EDDM13: variants seen among roughly 807,000 people sequenced by gnomAD.
The protein encoded by EDDM13 is epididymal protein 13.
EDDM13 carries 24 observed loss-of-function variants against 17.8 expected under a neutral mutation model. The observed-to-expected ratio is 1.35, with a 90% CI of 0.98 to 1.90. EDDM13 has a LOEUF of 1.90. Ranked by LOEUF, EDDM13 falls within the 40% of genes most tolerant of loss-of-function variation. The pLI is 0.00. For synonymous variants in EDDM13, 31 were observed against 37.5 expected, an observed-to-expected ratio of 0.83 and a Z score of 0.63; for missense variants, 97 against 100.8, an observed-to-expected ratio of 0.96 and a Z score of 0.16.
chr19:56,301,898 G>C, intron 12 of EDDM13, 70 bp from the exon 13 acceptor site: 1 of 1,231,340 alleles, frequency 8.1e-7, no homozygotes, highest in South Asian at 4.2e-5. Flanking sequence ...TGGAGAGACA[G>C]CAGTGACAGG....
chr19:56,281,338 T>C lies in EDDM13; in HGVS notation c.104-355T>C, dbSNP rs565328439. ...AACCATGTAGTTCAAACCTGTATTG[T>C]TCAAGGGTCAACGGTGTGTGTATGT... On this transcript the variant is annotated intron_variant, in intron 2 of 14. Transcript: ENST00000649256. 1.1e-4 allele frequency among the ~76,000 whole-genome samples: 14 copies of C among 127,308 alleles called. No individual in the cohort carries two copies. In the East Asian group the frequency reaches 2.9e-3, roughly 26 times the overall value. The allele number at this position is 127,308 out of a possible 152,430, so 83.5% of individuals were successfully genotyped here.
At chr19:56,273,675 G>A (rs1473079969) in intron 1 of EDDM13, among the ~76,000 whole-genome samples, 2 of 152,098 alleles carry the variant, frequency 1.3e-5, no homozygotes, top group Non-Finnish European at 2.9e-5. Context: ...GAGAGAGGCC[G>A]GTGTGTCAGG....
intron 2 of EDDM13, among the ~76,000 whole-genome samples, chr19:56,279,608 C>G (rs1030167326): frequency 2.6e-5 from 4 of 152,214 alleles, no homozygotes; most frequent in African/African-American, 9.7e-5. Context: ...AATCCTCACA[C>G]TGGACCATCA....
chr19:56,281,556 C>A, intron 2 of EDDM13, 137 bp from the exon 3 acceptor site: 2 of 294,796 alleles, frequency 6.8e-6, no homozygotes, highest in Non-Finnish European at 1.0e-5. Context: ...TAACAACAGG[C>A]AAATAAATGT....
intron 13 of EDDM13, chr19:56,302,830 GTTCT>G (rs980519136): frequency 7.5e-6 from 3 of 398,608 alleles, no homozygotes; most frequent in Non-Finnish European, 1.3e-5. Flanking sequence ...GCTGTCTCTT[GTTCT>G]TTCTAAGGGA....
intron 3 of EDDM13, 130 bp downstream of exon 3, chr19:56,281,828 A>T (rs945589113): frequency 1.9e-5 from 7 of 375,354 alleles, no homozygotes; most frequent in Non-Finnish European, 2.6e-5. Context: ...AGATGTCCTC[A>T]ATTCAAACAT....
chr19:56,289,011 C>T (rs1036754401), intron 8 of EDDM13, among the ~76,000 whole-genome samples, 120 bp downstream of exon 8: 14 of 152,186 alleles, frequency 9.2e-5, no homozygotes, highest in South Asian at 2.1e-4. Context: ...TTTAGCCATT[C>T]GCCTGGCATC....
intron 3 of EDDM13, among the ~76,000 whole-genome samples, chr19:56,282,112 C>T (rs1246938731): frequency 6.6e-6 from 1 of 152,130 alleles, no homozygotes; most frequent in Non-Finnish European, 1.5e-5. Context: ...AAATATGGTA[C>T]AGGGTGGGTA....
intron 14 of EDDM13, among the ~76,000 whole-genome samples, chr19:56,309,007 C>G (rs938914744): frequency 6.6e-6 from 1 of 152,226 alleles, no homozygotes; most frequent in African/African-American, 2.4e-5. Context: ...TGCAACTACT[C>G]TAGTCAAAGC....
intron 4 of EDDM13, chr19:56,283,413 C>T (rs1265025212): frequency 6.6e-6 from 1 of 152,142 alleles, no homozygotes; most frequent in East Asian, 1.9e-4. Flanking sequence ...TTAAAGAGCA[C>T]AGAGAGTTCA....
At chr19:56,302,236 C>T (rs1392158484) in intron 13 of EDDM13, 141 bp downstream of exon 13, 1 of 458,240 alleles carries the variant, frequency 2.2e-6, no homozygotes, top group Admixed American at 4.4e-5. Context: ...GTAAAACACT[C>T]TCTTCTTCCC....
chr19:56,292,815 A>G (rs952138252), intron 9 of EDDM13, among the ~76,000 whole-genome samples: 1 of 152,230 alleles, frequency 6.6e-6, no homozygotes, highest in African/African-American at 2.4e-5. Flanking sequence ...AGAATCGTAC[A>G]CGATGTGGTC....
At chr19:56,294,401 C>G (rs897734475) in intron 9 of EDDM13, among the ~76,000 whole-genome samples, 1 of 152,212 alleles carries the variant, frequency 6.6e-6, no homozygotes, top group African/African-American at 2.4e-5. Flanking sequence ...CCCAAACTCC[C>G]TTAGATTCTA....
chr19:56,301,228 G>A (rs893732967), intron 12 of EDDM13, among the ~76,000 whole-genome samples: 1 of 152,240 alleles, frequency 6.6e-6, no homozygotes, highest in African/African-American at 2.4e-5. Flanking sequence ...CTGCTGGACT[G>A]AGTCTCCTTA....
intron 2 of EDDM13, among the ~76,000 whole-genome samples, chr19:56,276,800 G>A (rs903134736): frequency 6.6e-6 from 1 of 151,996 alleles, no homozygotes; most frequent in African/African-American, 2.4e-5. Flanking sequence ...GCCTCCCAAA[G>A]TGCTGGGATT....
Position 56,293,569 on chromosome 19 carries a change from G to A in EDDM13, c.233-2390G>A, listed in dbSNP as rs78928704. 9.6e-3 allele frequency among the ~76,000 whole-genome samples: 1,456 copies of A among 152,316 alleles called. 20 individuals carry two copies. The highest frequency in any genetic ancestry group is 0.033 in the African/African-American group (1,391 of 41,566). On this transcript the variant is annotated intron_variant, in intron 9 of 14. Transcript: ENST00000649256. The stretch of plus-strand genomic sequence containing the variant: ...TGACTGCACCACTTTCTAGTTCCGT[G>A]GGCTTCGGACCCTCGCCTCCTGAAG...
At chr19:56,284,513 ATTTTTTTT>A (rs11374260) in intron 5 of EDDM13, among the ~76,000 whole-genome samples, 16 of 118,326 alleles carry the variant, frequency 1.4e-4, no homozygotes, top group African/African-American at 2.5e-4. Context: ...GCTTGCTGTA[ATTTTTTTT>A]TTTTTTTTTT....
chr19:56,274,315 A>G (rs1290455359), intron 1 of EDDM13, among the ~76,000 whole-genome samples: 1 of 152,042 alleles, frequency 6.6e-6, no homozygotes, highest in Non-Finnish European at 1.5e-5. Flanking sequence ...TTATCCAGGC[A>G]TGGTAGTAGG....
chr19:56,291,255 G>A (rs1391800294), intron 9 of EDDM13, among the ~76,000 whole-genome samples: 1 of 152,192 alleles, frequency 6.6e-6, no homozygotes, highest in Non-Finnish European at 1.5e-5. Context: ...ACCCTCGGGG[G>A]AGAAATGAGA....
Sources: gnomAD v4.1 joint callset for allele counts (sites outside exome capture counted in the v4.1 genomes callset) on GRCh38, gnomAD v4.1.1 for gene constraint, MANE v1.5 for transcripts, NCBI Gene and HGNC (gene_info 2026-07-23, HGNC 2026-07-21) for gene names.